Variants in NTM observed in about 807,000 individuals in gnomAD.
NTM encodes the protein neurotrimin.
NTM carries 13 observed loss-of-function variants against 42.1 expected under a neutral mutation model. The observed-to-expected ratio is 0.31, with a 90% CI of 0.20 to 0.49. The LOEUF is 0.49. NTM is among the 20% of genes least tolerant of loss of function. The pLI is 0.99. For synonymous variants in NTM, 187 were observed against 179.2 expected, an observed-to-expected ratio of 1.04 and a Z score of -0.35; for missense variants, 373 against 452.8, an observed-to-expected ratio of 0.82 and a Z score of 1.60.
chr11:131,884,294 A>G (rs758115620), intron 1 of NTM, among the ~76,000 whole-genome samples: 10 of 152,162 alleles, frequency 6.6e-5, no homozygotes, highest in Non-Finnish European at 1.0e-4. Context: ...CTGTAATCCC[A>G]GCTACTCGGG....
intron 1 of NTM, among the ~76,000 whole-genome samples, chr11:131,578,231 G>A (rs1319066532): frequency 1.3e-5 from 2 of 152,312 alleles, no homozygotes; most frequent in East Asian, 3.9e-4. Context: ...CCATATCTAA[G>A]ATAATGGAAT....
chr11:132,023,825 G>A (rs1192763348), intron 2 of NTM, among the ~76,000 whole-genome samples: 1 of 151,462 alleles, frequency 6.6e-6, no homozygotes, highest in Non-Finnish European at 1.5e-5. Context: ...TGTTGTTGTT[G>A]TTGTTGTTGT....
Position 131,431,260 on chromosome 11 carries a change from G to T in NTM, c.82+60372G>T, listed in dbSNP as rs60730149. Among the ~76,000 whole-genome samples, 104 of 152,278 alleles carry T rather than the reference G, an allele frequency of 6.8e-4. 1 individual carries two copies. The highest frequency in any genetic ancestry group is 2.4e-3 in the African/African-American group (98 of 41,552). On this transcript the variant is annotated intron_variant, in intron 1 of 8. Transcript: ENST00000683400. ...AAAGGAAAGCAGAAAGGATGCCCGA[G>T]GGGAAGGTATTTGACATTGTGAGGG...
chr11:131,674,173 G>A (rs115412467), intron 1 of NTM, among the ~76,000 whole-genome samples: 7 of 152,252 alleles, frequency 4.6e-5, no homozygotes, highest in Non-Finnish European at 8.8e-5. Flanking sequence ...AGTGCCACAC[G>A]CACACGTTCT....
intron 3 of NTM, among the ~76,000 whole-genome samples, chr11:132,170,628 A>C (rs924907807): frequency 1.2e-4 from 19 of 152,212 alleles, no homozygotes; most frequent in Non-Finnish European, 2.4e-4. Context: ...GAATATTGGC[A>C]GTTGCATATG....
rs76423482 is a variant in NTM at position 131,891,306 on chromosome 11, G to A, written c.83-20258G>A. Reference sequence around the variant, plus strand: ...AGACAGGACTCCATGGAAGGGTTGCGGGGGCAGTCAGTCGAAGCGTGTCTT... The same window carrying A: ...AGACAGGACTCCATGGAAGGGTTGCAGGGGCAGTCAGTCGAAGCGTGTCTT... On this transcript the variant is annotated intron_variant, in intron 1 of 8. Transcript: ENST00000683400. Among the ~76,000 whole-genome samples the A allele has an allele frequency of 8.5e-5, 13 of 152,192 alleles. 1 individual carries two copies. The highest frequency in any genetic ancestry group is 5.8e-4 in the East Asian group (3 of 5,168).
chr11:131,784,394 C>T (rs7120450), intron 1 of NTM, among the ~76,000 whole-genome samples: 110,957 of 150,262 alleles, frequency 0.74, 40,919 homozygotes, highest in African/African-American at 0.8. Context: ...TAGATTCATA[C>T]AGTGAAATTC....
intron 1 of NTM, among the ~76,000 whole-genome samples, chr11:131,478,872 A>T (rs1253830811): frequency 6.6e-6 from 1 of 152,190 alleles, no homozygotes; most frequent in Non-Finnish European, 1.5e-5. Context: ...CAGCACCTAC[A>T]TTTCAATCCA....
At chr11:132,220,246 G>T (rs1429830736) in intron 4 of NTM, among the ~76,000 whole-genome samples, 1 of 152,156 alleles carries the variant, frequency 6.6e-6, no homozygotes, top group Admixed American at 6.5e-5. Context: ...GGGGAAAAGT[G>T]TCCAGGAACT....
At chr11:132,181,326 A>G (rs1455951980) in intron 3 of NTM, among the ~76,000 whole-genome samples, 3 of 152,194 alleles carry the variant, frequency 2.0e-5, no homozygotes, top group Non-Finnish European at 4.4e-5. Context: ...CTACTCCATC[A>G]TGGCATCAGC....
At chr11:132,007,745 C>A (rs2071139302) in intron 2 of NTM, among the ~76,000 whole-genome samples, 1 of 152,114 alleles carries the variant, frequency 6.6e-6, no homozygotes, top group Non-Finnish European at 1.5e-5. Flanking sequence ...TGGGGCACAT[C>A]ATAATTCAGA....
chr11:131,639,820 G>C (rs1343132794), intron 1 of NTM, among the ~76,000 whole-genome samples: 1 of 152,068 alleles, frequency 6.6e-6, no homozygotes, highest in Non-Finnish European at 1.5e-5. Context: ...GCCGGGTGTG[G>C]TGGCGGGCGC....
intron 2 of NTM, among the ~76,000 whole-genome samples, chr11:131,988,332 C>G (rs903384184): frequency 1.3e-5 from 2 of 152,178 alleles, no homozygotes; most frequent in Non-Finnish European, 2.9e-5. Context: ...AAATATTAAC[C>G]TTTCCCTGAG....
At chr11:132,056,299 T>A (rs1027186268) in intron 2 of NTM, among the ~76,000 whole-genome samples, 3 of 152,188 alleles carry the variant, frequency 2.0e-5, no homozygotes, top group Admixed American at 1.3e-4. Context: ...AGAGCAAGAC[T>A]ACATTCTGAG....
intron 3 of NTM, among the ~76,000 whole-genome samples, chr11:132,148,691 G>A (rs2071149751): frequency 6.6e-6 from 1 of 152,026 alleles, no homozygotes; most frequent in African/African-American, 2.4e-5. Flanking sequence ...TGAACACCTC[G>A]CAGAATGCCT....
At chr11:131,830,124 T>C (rs1459492132) in intron 1 of NTM, among the ~76,000 whole-genome samples, 1 of 152,208 alleles carries the variant, frequency 6.6e-6, no homozygotes, top group East Asian at 1.9e-4. Flanking sequence ...TCCCAGTCTA[T>C]AGATTGTTTA....
At chr11:131,886,878 A>G (rs760288906) in intron 1 of NTM, among the ~76,000 whole-genome samples, 1 of 152,176 alleles carries the variant, frequency 6.6e-6, no homozygotes, top group Non-Finnish European at 1.5e-5. Context: ...AAGACCTCTC[A>G]TTGATAGAGT....
At chr11:132,189,016 T>G (rs1196745147) in intron 3 of NTM, among the ~76,000 whole-genome samples, 5 of 152,188 alleles carry the variant, frequency 3.3e-5, no homozygotes, top group African/African-American at 9.7e-5. Flanking sequence ...TACATGATGA[T>G]GAATAGCAAT....
chr11:131,504,954 C>T (rs968115956), intron 1 of NTM, among the ~76,000 whole-genome samples: 4 of 152,122 alleles, frequency 2.6e-5, no homozygotes, highest in Admixed American at 6.5e-5. Flanking sequence ...CCCTCTCCTC[C>T]GCACTATCTG....
Sources: gnomAD v4.1 joint callset for allele counts (sites outside exome capture counted in the v4.1 genomes callset) on GRCh38, gnomAD v4.1.1 for gene constraint, MANE v1.5 for transcripts, NCBI Gene and HGNC (gene_info 2026-07-23, HGNC 2026-07-21) for gene names.